Variants in SUPT6H observed in about 807,000 individuals in gnomAD.
SUPT6H encodes transcription elongation factor SPT6.
SUPT6H carries 11 observed loss-of-function variants against 222.3 expected under a neutral mutation model. That is an observed-to-expected ratio of 0.05 (90% CI 0.03 to 0.08). The LOEUF is 0.08. Among genes scored for constraint, SUPT6H ranks in the 10% least tolerant of loss-of-function variants. The pLI, the probability that SUPT6H is intolerant of heterozygous loss-of-function variation, is 1.00. For missense variants in SUPT6H, 1,422 were observed against 2,216.0 expected, an observed-to-expected ratio of 0.64 and a Z score of 7.19; for synonymous variants, 762 against 801.2, an observed-to-expected ratio of 0.95 and a Z score of 0.83.
intron 32 of SUPT6H, 137 bp downstream of exon 32, chr17:28,698,167 G>A (rs890427580): frequency 5.9e-5 from 73 of 1,245,390 alleles, no homozygotes; most frequent in Non-Finnish European, 7.6e-5. Flanking sequence ...CAGAGGTGGA[G>A]GTTGGAGGTG....
At chr17:28,697,150 T>A (rs2031962782) in intron 30 of SUPT6H, 68 bp downstream of exon 30, 1 of 1,370,110 alleles carries the variant, frequency 7.3e-7, no homozygotes, top group African/African-American at 1.4e-5. Flanking sequence ...TCAGGGTGCT[T>A]TCACCTGACA....
chr17:28,667,210 A>G (rs1451207342), intron 1 of SUPT6H, among the ~76,000 whole-genome samples: 1 of 17,676 alleles, frequency 5.7e-5, no homozygotes, highest in Admixed American at 6.8e-4. Flanking sequence ...CTAAAAATAC[A>G]AAAAAAAAAA....
Position 28,700,153 on chromosome 17 carries a change from T to C in SUPT6H, c.4562-20T>C, listed in dbSNP as rs1205908548. ...AAATAGGTTTCTGGAGGGATGTAAC[T>C]AAATAATCACTTCCTGCAGGCATCA... On this transcript the variant is annotated intron_variant, in intron 33 of 36. Transcript: ENST00000314616. 6.2e-7 allele frequency: 1 copy of C among 1,614,076 alleles called. No individual in the cohort carries two copies. The highest frequency in any genetic ancestry group is 1.7e-5 in the Admixed American group (1 of 60,012).
intron 1 of SUPT6H, chr17:28,670,375 G>A (rs1273460461): frequency 1.3e-5 from 2 of 152,206 alleles, no homozygotes; most frequent in African/African-American, 4.8e-5. Context: ...CTTGGTAGGT[G>A]TGTAATAAGC....
rs903011855 is a variant in SUPT6H at position 28,681,910 on chromosome 17, G to A, written c.1527G>A (p.Glu509=). ...EGEGDEAEDE[E]QRGPELKQAS... ...AAGGTGACGAGGCAGAAGATGAGGA[G>A]CAGAGGGGGCCTGAGCTCAAGCAAG... Residue 509 remains glutamate, a synonymous_variant, in exon 13 of 37, where the codon GAG becomes GAA. Transcript: ENST00000314616. 2.5e-5 allele frequency: 41 copies of A among 1,610,286 alleles called. No homozygotes were observed. The highest frequency in any genetic ancestry group is 3.4e-5 in the Non-Finnish European group (40 of 1,179,136).
At chr17:28,667,783 A>G (rs1239892156) in intron 1 of SUPT6H, among the ~76,000 whole-genome samples, 1 of 151,840 alleles carries the variant, frequency 6.6e-6, no homozygotes, top group East Asian at 1.9e-4. Flanking sequence ...GTGCTTTGTC[A>G]TAACGTTATT....
At chr17:28,687,834 T>C (rs2031465213) in intron 23 of SUPT6H, among the ~76,000 whole-genome samples, 1 of 152,192 alleles carries the variant, frequency 6.6e-6, no homozygotes. Context: ...TGTTAACTTG[T>C]AACTTATAAG....
chr17:28,664,153 C>T (rs2151594150), intron 1 of SUPT6H, among the ~76,000 whole-genome samples: 1 of 152,212 alleles, frequency 6.6e-6, no homozygotes, highest in South Asian at 2.1e-4. Flanking sequence ...GGATTTTCTC[C>T]ATTTCTCCGG....
chr17:28,693,000 C>CAAA (rs1249471749), intron 27 of SUPT6H, among the ~76,000 whole-genome samples: 1 of 84,422 alleles, frequency 1.2e-5, no homozygotes. Context: ...GACTCTGTCT[C>CAAA]AAAAAAAAAA....
chr17:28,693,000 C>CAAAAA (rs1249471749), intron 27 of SUPT6H, among the ~76,000 whole-genome samples: 1 of 84,422 alleles, frequency 1.2e-5, no homozygotes, highest in Non-Finnish European at 2.5e-5. Flanking sequence ...GACTCTGTCT[C>CAAAAA]AAAAAAAAAA....
intron 32 of SUPT6H, among the ~76,000 whole-genome samples, chr17:28,698,390 C>T (rs2032010676): frequency 2.6e-5 from 4 of 152,226 alleles, no homozygotes. Flanking sequence ...CCAGGGCTTG[C>T]ACACAGTGGC....
intron 1 of SUPT6H, among the ~76,000 whole-genome samples, chr17:28,672,085 C>T (rs2030450591): frequency 6.6e-6 from 1 of 152,240 alleles, no homozygotes; most frequent in Non-Finnish European, 1.5e-5. Context: ...AGTACTCACA[C>T]AAATTGGCTC....
intron 18 of SUPT6H, 49 bp downstream of exon 18, chr17:28,684,774 T>C: frequency 6.2e-7 from 1 of 1,612,924 alleles, no homozygotes; most frequent in Non-Finnish European, 8.5e-7. Context: ...TCTTCCTAAT[T>C]TCATTTTTCT....
chr17:28,669,440 C>T (rs1302329728), intron 1 of SUPT6H, among the ~76,000 whole-genome samples: 1 of 152,160 alleles, frequency 6.6e-6, no homozygotes, highest in East Asian at 1.9e-4. Context: ...ATCGGCCTGC[C>T]TCGGCCTGGG....
At chr17:28,681,700 G>A (rs1597701627) in intron 12 of SUPT6H, among the ~76,000 whole-genome samples, 182 bp from the exon 13 acceptor site, 1 of 148,614 alleles carries the variant, frequency 6.7e-6, no homozygotes, top group East Asian at 2.0e-4. Flanking sequence ...GCAACAAACC[G>A]AGGCTGTGTC....
chr17:28,675,098 G>T lies in SUPT6H; in HGVS notation c.474G>T (p.Gly158=). The T allele has an allele frequency of 6.2e-7, 1 of 1,614,078 alleles. No individual in the cohort carries two copies. The highest frequency in any genetic ancestry group is 1.1e-5 in the South Asian group (1 of 91,082). Residue 158 remains glycine (G), a synonymous_variant, in exon 5 of 37, where the codon GGG becomes GGT. Coordinates refer to ENST00000314616, the MANE Select transcript of SUPT6H (RefSeq NM_003170.5). ...EIFQDGEGEE[G]QEAMEAPMAP... ...TCCAGGATGGGGAAGGGGAAGAAGG[G>T]CAGGAGGCCATGGAGGCCCCCATGG...
In SUPT6H at chr17:28,696,779, T is replaced by A; in HGVS notation, c.3971-65T>A. On this transcript the variant is annotated intron_variant, in intron 29 of 36. Transcript: ENST00000314616. The stretch of plus-strand genomic sequence containing the variant: ...AATAAATAAGAAATGAAGGCCTGGT[T>A]TGTCCTGTTGCTGCCAGCTCCTAGC... 3 of 1,431,704 alleles carry A rather than the reference T, an allele frequency of 2.1e-6. No individual in the cohort carries two copies. In the South Asian group the frequency reaches 3.5e-5, roughly 17 times the overall value. The allele number at this position is 1,431,704 out of a possible 1,614,324, so 88.7% of individuals were successfully genotyped here. A position where few individuals can be genotyped will look rare whatever the true frequency, so the allele number is the denominator to read the frequency against.
At chr17:28,677,024 T>C (rs2030789224) in intron 7 of SUPT6H, among the ~76,000 whole-genome samples, 1 of 151,082 alleles carries the variant, frequency 6.6e-6, no homozygotes, top group Non-Finnish European at 1.5e-5. Context: ...AGGTCAGGAG[T>C]TCGAGACCAG....
At chr17:28,673,922 G>A (rs1347366026) in intron 2 of SUPT6H, among the ~76,000 whole-genome samples, 2 of 152,108 alleles carry the variant, frequency 1.3e-5, no homozygotes, top group East Asian at 1.9e-4. Flanking sequence ...GTAAAGGGAC[G>A]TACAAGTTTT....
Sources: allele counts gnomAD v4.1 joint callset (sites outside exome capture counted in the v4.1 genomes callset), GRCh38; gene constraint gnomAD v4.1.1; transcripts MANE v1.5; gene names NCBI Gene and HGNC (gene_info 2026-07-23, HGNC 2026-07-21).